SDHAF2: variants seen among roughly 807,000 people sequenced by gnomAD.
SDHAF2 encodes the protein succinate dehydrogenase complex assembly factor 2.
SDHAF2 carries 21 observed loss-of-function variants against 18.5 expected under a neutral mutation model. The observed-to-expected ratio is 1.13, with a 90% CI of 0.80 to 1.63. SDHAF2 has a LOEUF of 1.63. Among genes scored for constraint, SDHAF2 ranks in the 40% most tolerant of loss-of-function variants. SDHAF2 has a pLI of 0.00. For synonymous variants in SDHAF2, 84 were observed against 70.7 expected (o/e 1.19, Z -0.94); for missense variants, 195 against 200.3 (o/e 0.97, Z 0.16).
chr11:61,437,859 A>C lies in SDHAF2; in HGVS notation c.260+11A>C, dbSNP rs112687476. On this transcript the variant is annotated intron_variant, in intron 2 of 3. Transcript: ENST00000301761. ...CTGCATTCTTCTTAGGTATGGGACT[A>C]GGAGTCTTTTTTTTTAAATCGGGCA... 1 of 1,610,142 alleles carries C rather than the reference A, an allele frequency of 6.2e-7. No individual in the cohort carries two copies. The highest frequency in any genetic ancestry group is 8.5e-7 in the Non-Finnish European group (1 of 1,177,562).
intron 1 of SDHAF2, chr11:61,436,986 C>A: frequency 1.7e-6 from 2 of 1,181,056 alleles, no homozygotes; most frequent in Non-Finnish European, 2.1e-6. Flanking sequence ...ATAAACCACA[C>A]TGTAAGAATT....
intron 1 of SDHAF2, among the ~76,000 whole-genome samples, chr11:61,437,181 A>G (rs1426178033): frequency 1.3e-5 from 2 of 152,218 alleles, no homozygotes; most frequent in African/African-American, 4.8e-5. Context: ...AGTGGGGACA[A>G]TATCAGCATA....
intron 1 of SDHAF2, chr11:61,431,401 C>T (rs1861907241): frequency 6.6e-6 from 1 of 152,154 alleles, no homozygotes; most frequent in African/African-American, 2.4e-5. Context: ...AAACTCCTGG[C>T]CTCAAGTGAT....
chr11:61,434,659 C>T, intron 1 of SDHAF2: 1 of 145,344 alleles, frequency 6.9e-6, no homozygotes, highest in African/African-American at 2.6e-5. Context: ...AGTTTGCTGA[C>T]TCTTTCTGCT....
Position 61,446,420 on chromosome 11 carries a change from A to AT in SDHAF2, c.*349_*350insT. The AT allele has an allele frequency of 1.7e-6, 1 of 572,244 alleles. No individual in the cohort carries two copies. Among genetic ancestry groups the AT allele is most frequent in the Non-Finnish European group, 3.1e-6 (1 of 323,452 alleles). 35.4% of individuals were successfully genotyped at this position (572,244 alleles called of 1,614,324 possible). A position where few individuals can be genotyped will look rare whatever the true frequency, so the allele number is the denominator to read the frequency against. ...GCCTCAGCCCAAGTGTACTCAAAGA[A>AT]AAGAGGCAGCCAGCTGTGCGTGCTG... On this transcript the variant is annotated 3_prime_UTR_variant, in exon 4 of 4. Coordinates refer to ENST00000301761, the MANE Select transcript of SDHAF2 (RefSeq NM_017841.4).
Position 61,441,074 on chromosome 11 carries a change from GT to G in SDHAF2, c.370+2962del, listed in dbSNP as rs1292017845. 2.6e-5 allele frequency among the ~76,000 whole-genome samples: 4 copies of G among 152,188 alleles called. No homozygotes were observed. The East Asian group carries it at 7.7e-4, about 29-fold the overall frequency. ...TTAGCTGGGCTTGGTGGTGCACACT[GT>G]ATTCCCAGCTACTTGGGAGGATCAC... On this transcript the variant is annotated intron_variant, in intron 3 of 3. Coordinates refer to ENST00000301761, the MANE Select transcript of SDHAF2 (RefSeq NM_017841.4).
At chr11:61,444,901 C>T (rs1862119795) in intron 3 of SDHAF2, among the ~76,000 whole-genome samples, 1 of 152,172 alleles carries the variant, frequency 6.6e-6, no homozygotes, top group Admixed American at 6.5e-5. Context: ...TGGGTTGCCT[C>T]GTGACCTCAG....
intron 3 of SDHAF2, among the ~76,000 whole-genome samples, chr11:61,443,564 A>G (rs1308927666): frequency 6.6e-6 from 1 of 152,200 alleles, no homozygotes; most frequent in Non-Finnish European, 1.5e-5. Flanking sequence ...AGGTAAGCTC[A>G]GCTTGGGTTG....
chr11:61,445,955 C>G lies in SDHAF2; in HGVS notation c.385C>G (p.Pro129Ala), dbSNP rs1060503391. The G allele has an allele frequency of 6.2e-7, 1 of 1,614,086 alleles. No individual in the cohort carries two copies. The highest frequency in any genetic ancestry group is 1.3e-5 in the African/African-American group (1 of 75,006). ...TTCTCTTGCAGAAGCTAAACCAGCCCCAGAAATATTTGAAAATGAAGTCAT... is the reference window on the plus strand; with the variant it reads ...TTCTCTTGCAGAAGCTAAACCAGCCGCAGAAATATTTGAAAATGAAGTCAT... ...YYWATEAKPA[P>A]EIFENEVMAL... The change falls in exon 4 of 4, where the codon CCA becomes GCA. Residue 129 changes from proline to alanine, a missense_variant. Coordinates refer to ENST00000301761, the MANE Select transcript of SDHAF2 (RefSeq NM_017841.4).
At position 61,443,243 on chromosome 11, in the gene SDHAF2, A is replaced by G. The variant is rs139330241; in HGVS notation, c.371-2698A>G. Among the ~76,000 whole-genome samples, 651 of 152,262 alleles carry G rather than the reference A, an allele frequency of 4.3e-3. 8 individuals are homozygous for G. The highest frequency in any genetic ancestry group is 0.015 in the African/African-American group (624 of 41,550). On this transcript the variant is annotated intron_variant, in intron 3 of 3. Transcript: ENST00000301761. ...CATATCTGCTACTGTATTTGTTTTT[A>G]GCATTTCCATTTGACTTTTGGAGTT...
At chr11:61,444,375 C>T (rs1483013683) in intron 3 of SDHAF2, 5 of 152,228 alleles carry the variant, frequency 3.3e-5, no homozygotes, top group South Asian at 2.1e-4. Flanking sequence ...TGGAATTGCA[C>T]CTCTGACTAG....
chr11:61,437,764 C>T lies in SDHAF2; in HGVS notation c.176C>T (p.Thr59Ile), dbSNP rs2134892362. 1 of 1,614,156 alleles carries T rather than the reference C, an allele frequency of 6.2e-7. No individual in the cohort carries two copies. The highest frequency in any genetic ancestry group is 8.5e-7 in the Non-Finnish European group (1 of 1,180,034). Residue 59 changes from threonine to isoleucine, a missense_variant, in exon 2 of 4, where the codon ACT becomes ATT. Thr to Ile is a moderately conservative substitution (Grantham distance 89). Coordinates refer to ENST00000301761, the MANE Select transcript of SDHAF2 (RefSeq NM_017841.4). ...EIPLPPWQER[T>I]DESIETKRAR... ...CCTTTGCCTCCATGGCAGGAGAGAA[C>T]TGATGAATCCATAGAAACCAAAAGA...
At chr11:61,444,768 G>A (rs976419579) in intron 3 of SDHAF2, among the ~76,000 whole-genome samples, 1 of 151,982 alleles carries the variant, frequency 6.6e-6, no homozygotes, top group East Asian at 1.9e-4. Flanking sequence ...TTTTTTAGCT[G>A]AATTCCTTTT....
chr11:61,439,980 C>T (rs1488672980), intron 3 of SDHAF2, among the ~76,000 whole-genome samples: 1 of 152,072 alleles, frequency 6.6e-6, no homozygotes, highest in African/African-American at 2.4e-5. Flanking sequence ...TTTGCTGGGT[C>T]ATGTGGTAAG....
rs745713032 is a variant in SDHAF2, at chr11:61,430,126, T to C, written c.-21T>C. ...TTCCCGGAAGTGCCCGCGCAGCCGGTTTCCGGTGCAGGTGGGGAAAATGGC... is the reference window on the plus strand; with the variant it reads ...TTCCCGGAAGTGCCCGCGCAGCCGGCTTCCGGTGCAGGTGGGGAAAATGGC... On this transcript the variant is annotated 5_prime_UTR_variant, in exon 1 of 4. Transcript: ENST00000301761. 1.2e-6 allele frequency: 2 copies of C among 1,614,030 alleles called. No individual in the cohort carries two copies. The highest frequency in any genetic ancestry group is 1.7e-6 in the Non-Finnish European group (2 of 1,179,978).
chr11:61,432,011 C>T (rs1440242287), intron 1 of SDHAF2: 2 of 152,186 alleles, frequency 1.3e-5, no homozygotes, highest in African/African-American at 4.8e-5. Context: ...CCATTTATAC[C>T]TAAAGTAAAT....
At chr11:61,432,502 G>A (rs1861945566) in intron 1 of SDHAF2, 1 of 151,526 alleles carries the variant, frequency 6.6e-6, no homozygotes, top group African/African-American at 2.4e-5. Context: ...TTTAATTGTT[G>A]TATTATTTAT....
intron 3 of SDHAF2, among the ~76,000 whole-genome samples, chr11:61,440,613 A>G (rs768611644): frequency 2.6e-5 from 4 of 152,310 alleles, no homozygotes; most frequent in Non-Finnish European, 5.9e-5. Context: ...AAATAAATAA[A>G]TAAAACTTTT....
intron 3 of SDHAF2, among the ~76,000 whole-genome samples, chr11:61,445,113 T>G (rs984414594): frequency 6.6e-6 from 1 of 152,148 alleles, no homozygotes; most frequent in African/African-American, 2.4e-5. Context: ...GAATCTGACT[T>G]GGTTTTGAGG....
Sources: gnomAD v4.1 joint callset for allele counts (sites outside exome capture counted in the v4.1 genomes callset) on GRCh38, gnomAD v4.1.1 for gene constraint, MANE v1.5 for transcripts, NCBI Gene and HGNC (gene_info 2026-07-23, HGNC 2026-07-21) for gene names.